The following PPFIA2 variants were observed in gnomAD, a reference collection of about 807,000 sequenced individuals.
PPFIA2 encodes the protein liprin-alpha-2.
Under a neutral mutation model 175.5 loss-of-function variants are expected in PPFIA2, and 46 were observed. The ratio of observed to expected loss-of-function variants is 0.26; its 90% CI spans 0.21 to 0.34. The LOEUF (loss-of-function observed/expected upper bound fraction) is 0.34, where lower values mean the gene tolerates loss of function less well. Among genes scored for constraint, PPFIA2 ranks in the 10% least tolerant of loss-of-function variants. The pLI is 1.00. For missense variants in PPFIA2, 1,179 were observed against 1,506.1 expected (o/e 0.78, Z 3.60); for synonymous variants, 568 against 511.4 (o/e 1.11, Z -1.49).
chr12:81,646,484 C>A (rs2066096288), intron 4 of PPFIA2, among the ~76,000 whole-genome samples: 1 of 152,148 alleles, frequency 6.6e-6, no homozygotes, highest in Non-Finnish European at 1.5e-5. Flanking sequence ...AAGTAGGAAG[C>A]CACAATAGTC....
At chr12:81,307,002 A>G (rs1165777734) in intron 22 of PPFIA2, among the ~76,000 whole-genome samples, 1 of 152,228 alleles carries the variant, frequency 6.6e-6, no homozygotes. Context: ...ATTGAAAAGT[A>G]CTTTCACAGT....
intron 4 of PPFIA2, among the ~76,000 whole-genome samples, chr12:81,647,826 GTA>G (rs1491197780): frequency 7.3e-6 from 1 of 137,166 alleles, no homozygotes; most frequent in Non-Finnish European, 1.5e-5. Context: ...AAAATATATA[GTA>G]TATATAATAT....
chr12:81,305,474 C>T (rs1386225272), intron 22 of PPFIA2, among the ~76,000 whole-genome samples: 1 of 152,074 alleles, frequency 6.6e-6, no homozygotes, highest in Non-Finnish European at 1.5e-5. Context: ...CATTCTTGAT[C>T]TGCCCCTAAA....
intron 3 of PPFIA2, among the ~76,000 whole-genome samples, chr12:81,709,192 C>G (rs1198724956): frequency 6.6e-6 from 1 of 152,058 alleles, no homozygotes; most frequent in Non-Finnish European, 1.5e-5. Context: ...CCTTGCTGTT[C>G]CCTCTTCCTA....
intron 4 of PPFIA2, among the ~76,000 whole-genome samples, chr12:81,520,216 G>A (rs1220476794): frequency 6.6e-6 from 1 of 152,176 alleles, no homozygotes; most frequent in Admixed American, 6.5e-5. Flanking sequence ...ATGGCTGGAT[G>A]TCAGGAGTAG....
chr12:81,711,211 G>A (rs2077862524), intron 3 of PPFIA2, among the ~76,000 whole-genome samples: 1 of 151,260 alleles, frequency 6.6e-6, no homozygotes, highest in African/African-American at 2.4e-5. Context: ...CTGGACAACA[G>A]AGTGAGATTC....
rs558125190 is a variant in PPFIA2, at chr12:81,369,286, C to A, written c.1267-92G>T. ...TTGAAATAAAATGTAAAGCAAGCTA[C>A]TACCAACTGCAAACATAGTTTTTAA... On this transcript the variant is annotated intron_variant, in intron 11 of 32. Coordinates refer to ENST00000549396, the MANE Select transcript of PPFIA2 (RefSeq NM_003625.5). The A allele has an allele frequency of 4.0e-5, 61 of 1,541,344 alleles. 2 individuals carry two copies. In the South Asian group the frequency reaches 6.6e-4, roughly 17 times the overall value.
Position 81,642,658 on chromosome 12 carries a change from C to CATAATGTATGTATA in PPFIA2, c.303+34132_303+34133insTATACATACATTAT, listed in dbSNP as rs1567685600. Among the ~76,000 whole-genome samples the CATAATGTATGTATA allele has an allele frequency of 3.0e-4, 13 of 43,568 alleles. 2 individuals carry two copies. Among genetic ancestry groups the CATAATGTATGTATA allele is most frequent in the Non-Finnish European group, 4.9e-4 (11 of 22,368 alleles). The allele number at this position is 43,568 out of a possible 152,430, so 28.6% of individuals were successfully genotyped here. On this transcript the variant is annotated intron_variant, in intron 4 of 32. Coordinates refer to ENST00000549396, the MANE Select transcript of PPFIA2 (RefSeq NM_003625.5). Reference sequence around the variant, plus strand: ...CTATTATATACATACATGTATGTATCTATTATATACATACATGTATGTATC... The same window carrying CATAATGTATGTATA: ...CTATTATATACATACATGTATGTATCATAATGTATGTATATATTATATACATACATGTATGTATC...
At chr12:81,542,588 A>C (rs1244863338) in intron 4 of PPFIA2, among the ~76,000 whole-genome samples, 1 of 152,162 alleles carries the variant, frequency 6.6e-6, no homozygotes, top group Non-Finnish European at 1.5e-5. Flanking sequence ...ATGCTGACTA[A>C]TATAACCTTA....
At chr12:81,611,892 C>T (rs2060956607) in intron 4 of PPFIA2, among the ~76,000 whole-genome samples, 1 of 152,090 alleles carries the variant, frequency 6.6e-6, no homozygotes, top group Non-Finnish European at 1.5e-5. Flanking sequence ...TCACTAAGTT[C>T]CCAGAGGTCC....
At chr12:81,278,433 C>G (rs4842389) in intron 27 of PPFIA2, among the ~76,000 whole-genome samples, 3 of 151,130 alleles carry the variant, frequency 2.0e-5, no homozygotes, top group African/African-American at 7.3e-5. Flanking sequence ...CCCAGCTACT[C>G]GGGAGGCTGA....
chr12:81,330,265 A>G (rs1471940001), intron 21 of PPFIA2, among the ~76,000 whole-genome samples: 3 of 152,164 alleles, frequency 2.0e-5, no homozygotes, highest in Non-Finnish European at 4.4e-5. Flanking sequence ...ATGCCAAAAA[A>G]TATTTTTATA....
At chr12:81,684,583 C>T (rs1683529683) in intron 3 of PPFIA2, among the ~76,000 whole-genome samples, 1 of 152,084 alleles carries the variant, frequency 6.6e-6, no homozygotes, top group African/African-American at 2.4e-5. Context: ...TTTTGTATAA[C>T]TGTATCACTT....
intron 13 of PPFIA2, among the ~76,000 whole-genome samples, chr12:81,368,428 C>A (rs1037711138): frequency 1.3e-5 from 2 of 151,614 alleles, no homozygotes; most frequent in African/African-American, 4.8e-5. Flanking sequence ...TTTTGCATAC[C>A]AGGCAAAGGA....
chr12:81,310,774 T>G (rs1321946431), intron 22 of PPFIA2, among the ~76,000 whole-genome samples: 1 of 152,178 alleles, frequency 6.6e-6, no homozygotes, highest in Admixed American at 6.5e-5. Flanking sequence ...TCTTAATTCC[T>G]CAATATTGTA....
intron 4 of PPFIA2, among the ~76,000 whole-genome samples, chr12:81,600,343 T>G (rs996756268): frequency 6.6e-6 from 1 of 151,964 alleles, no homozygotes; most frequent in African/African-American, 2.4e-5. Flanking sequence ...CATTGGTAGC[T>G]CCTTTATTTC....
intron 4 of PPFIA2, among the ~76,000 whole-genome samples, chr12:81,648,041 T>G (rs1374561415): frequency 6.7e-6 from 1 of 149,756 alleles, no homozygotes; most frequent in Non-Finnish European, 1.5e-5. Context: ...AAATATAGAA[T>G]ATAATTTTAT....
chr12:81,680,053 A>G (rs1157377107), intron 3 of PPFIA2, among the ~76,000 whole-genome samples: 1 of 152,038 alleles, frequency 6.6e-6, no homozygotes, highest in Non-Finnish European at 1.5e-5. Context: ...TATTTTATAT[A>G]GATAACAACA....
intron 3 of PPFIA2, among the ~76,000 whole-genome samples, chr12:81,743,634 A>G (rs896971712): frequency 6.6e-6 from 1 of 152,074 alleles, no homozygotes; most frequent in Non-Finnish European, 1.5e-5. Flanking sequence ...GTCCAGGAAT[A>G]GCAAGGAGGG....
Sources: gnomAD v4.1 joint callset for allele counts (sites outside exome capture counted in the v4.1 genomes callset) on GRCh38, gnomAD v4.1.1 for gene constraint, MANE v1.5 for transcripts, NCBI Gene and HGNC (gene_info 2026-07-23, HGNC 2026-07-21) for gene names.